NUDT7: variants seen among roughly 807,000 people sequenced by gnomAD.
The protein encoded by NUDT7 is peroxisomal coenzyme A diphosphatase NUDT7.
Under a neutral mutation model 13.1 loss-of-function variants are expected in NUDT7, and 19 were observed. The observed-to-expected ratio is 1.45, with a 90% CI of 1.01 to 2.13. The LOEUF (loss-of-function observed/expected upper bound fraction) is 2.13. Ranked by LOEUF, NUDT7 falls within the 30% of genes most tolerant of loss-of-function variation. NUDT7 has a pLI of 0.00. For synonymous variants in NUDT7, 132 were observed against 109.7 expected, an observed-to-expected ratio of 1.20 and a Z score of -1.27; for missense variants, 360 against 291.7, an observed-to-expected ratio of 1.23 and a Z score of -1.71.
chr16:77,723,265 G>A (rs753557786), intron 1 of NUDT7, among the ~76,000 whole-genome samples: 54 of 152,310 alleles, frequency 3.5e-4, no homozygotes, highest in South Asian at 1.2e-3. Flanking sequence ...TTTTCTGGAG[G>A]CTGGCCTGCG....
At chr16:77,730,367 G>C (rs2145113010) in intron 2 of NUDT7, among the ~76,000 whole-genome samples, 1 of 152,214 alleles carries the variant, frequency 6.6e-6, no homozygotes, top group African/African-American at 2.4e-5. Flanking sequence ...ATATGAATGA[G>C]ATCATGTGGC....
chr16:77,728,181 T>C (rs1197983705), intron 2 of NUDT7, among the ~76,000 whole-genome samples: 1 of 152,086 alleles, frequency 6.6e-6, no homozygotes, highest in African/African-American at 2.4e-5. Context: ...AGGCAAGAAG[T>C]GGGTTAACCC....
At chr16:77,722,744 G>C in intron 1 of NUDT7, 127 bp downstream of exon 1, 1 of 853,050 alleles carries the variant, frequency 1.2e-6, no homozygotes, top group Non-Finnish European at 1.9e-6. Flanking sequence ...GCGAGCGCCG[G>C]ATGGGGGAGC....
chr16:77,735,683 T>A (rs2014457336), intron 2 of NUDT7, 145 bp from the exon 3 acceptor site: 2 of 743,714 alleles, frequency 2.7e-6, no homozygotes, highest in Non-Finnish European at 4.5e-6. Context: ...AGAAAACACA[T>A]TTGTGGGCAA....
intron 2 of NUDT7, among the ~76,000 whole-genome samples, chr16:77,728,242 C>G (rs116260977): frequency 0.016 from 2,487 of 151,848 alleles, 63 homozygotes; most frequent in African/African-American, 0.055. Context: ...ACAAGTTTTT[C>G]TTTTTTTTCA....
chr16:77,725,349 A>C (rs1165658341), intron 1 of NUDT7, 82 bp from the exon 2 acceptor site: 1 of 1,303,658 alleles, frequency 7.7e-7, no homozygotes, highest in Non-Finnish European at 1.1e-6. Context: ...ATACACAACA[A>C]AGCAGAAACA....
At chr16:77,734,497 C>G (rs59766721) in intron 2 of NUDT7, among the ~76,000 whole-genome samples, 7,872 of 152,142 alleles carry the variant, frequency 0.052, 687 homozygotes, top group African/African-American at 0.18. Context: ...CTGGTGGGCA[C>G]CTGTAGTCCC....
At chr16:77,729,508 T>A (rs936609099) in intron 2 of NUDT7, among the ~76,000 whole-genome samples, 1 of 152,090 alleles carries the variant, frequency 6.6e-6, no homozygotes. Context: ...TCATACATAT[T>A]TTCTTCAAAA....
At chr16:77,729,197 G>A (rs746536895) in intron 2 of NUDT7, among the ~76,000 whole-genome samples, 32 of 152,166 alleles carry the variant, frequency 2.1e-4, no homozygotes, top group Middle Eastern at 6.8e-3. Context: ...AAATGTGCCT[G>A]TTTTCTTCAA....
At chr16:77,727,805 C>T (rs147775466) in intron 2 of NUDT7, among the ~76,000 whole-genome samples, 447 of 151,954 alleles carry the variant, frequency 2.9e-3, no homozygotes, top group Non-Finnish European at 4.4e-3. Flanking sequence ...TGCATTGAGC[C>T]GAGATCGTGC....
In NUDT7 at chr16:77,725,477, A is replaced by G; in HGVS notation, c.82A>G (p.Ile28Val). The G allele has an allele frequency of 6.2e-7, 1 of 1,613,870 alleles. No homozygotes were observed. ...DAKARLRKYD[I>V]GGKYSHLPYN... ...TAAGGCCCGCTTAAGAAAGTATGAT[A>G]TTGGAGGCAAATATTCTCACTTGCC... Residue 28 changes from isoleucine to valine, a missense_variant, in exon 2 of 4, where the codon ATT becomes GTT. Ile to Val is a conservative substitution (Grantham distance 29). Coordinates refer to ENST00000268533, the MANE Select transcript of NUDT7 (RefSeq NM_001105663.3).
Position 77,725,432 on chromosome 16 carries a change from A to C in NUDT7, c.37A>C (p.Asn13His), listed in dbSNP as rs200984046. 16 of 1,607,104 alleles carry C rather than the reference A, an allele frequency of 1.0e-5. No individual in the cohort carries two copies. In the East Asian group the frequency reaches 1.8e-4, roughly 18 times the overall value. Residue 13 changes from asparagine to histidine, a missense_variant and splice_region_variant, in exon 2 of 4, where the codon AAC (asparagine) becomes CAC (histidine). By Grantham distance (68) the Asn-to-His change is moderately conservative (BLOSUM62 1). Coordinates refer to ENST00000268533, the MANE Select transcript of NUDT7 (RefSeq NM_001105663.3). The stretch of plus-strand genomic sequence containing the variant: ...CTGTCTGGTTTGTTTTTATTTTAGA[A>C]ACAGTTTGCTAGATGATGCTAAGGC... ...RLGLPEEPVR[N>H]SLLDDAKARL...
chr16:77,741,878 T>C lies in NUDT7; in HGVS notation c.645T>C (p.Asn215=). 1 of 1,614,128 alleles carries C rather than the reference T, an allele frequency of 6.2e-7. No homozygotes were observed. Among genetic ancestry groups the C allele is most frequent in the Admixed American group, 1.7e-5 (1 of 60,014 alleles). Residue 215 remains asparagine, a synonymous_variant, in exon 4 of 4, where the codon AAT becomes AAC. Coordinates refer to ENST00000268533, the MANE Select transcript of NUDT7 (RefSeq NM_001105663.3). ...EKKPTFEVQF[N]LNDVLASSEE... The stretch of plus-strand genomic sequence containing the variant: ...AACCCACCTTTGAGGTTCAATTTAA[T>C]CTTAATGATGTATTAGCATCCTCTG...
chr16:77,727,674 G>T (rs1438013665), intron 2 of NUDT7, among the ~76,000 whole-genome samples: 1 of 152,106 alleles, frequency 6.6e-6, no homozygotes, highest in Non-Finnish European at 1.5e-5. Context: ...GGCCAACATG[G>T]CGAAACCCTG....
At chr16:77,739,707 A>G (rs1209250041) in intron 3 of NUDT7, among the ~76,000 whole-genome samples, 1 of 152,140 alleles carries the variant, frequency 6.6e-6, no homozygotes, top group East Asian at 1.9e-4. Flanking sequence ...CTCTGGTTCA[A>G]ACGCCTCTGA....
intron 2 of NUDT7, among the ~76,000 whole-genome samples, chr16:77,729,539 A>G (rs1324411931): frequency 6.6e-6 from 1 of 152,152 alleles, no homozygotes; most frequent in East Asian, 1.9e-4. Context: ...TCTTTAAAAA[A>G]AAATTTAGGC....
chr16:77,735,630 C>T, intron 2 of NUDT7, 198 bp from the exon 3 acceptor site: 1 of 612,924 alleles, frequency 1.6e-6, no homozygotes. Context: ...TAAAAGTTAG[C>T]AGTGAGAAAA....
rs760122713 is a variant in NUDT7, at chr16:77,741,582, A to G, written c.349A>G (p.Thr117Ala). Residue 117 changes from threonine to alanine, a missense_variant and splice_region_variant, in exon 4 of 4, where the codon ACA becomes GCA. Thr to Ala is a moderately conservative substitution (Grantham distance 58, BLOSUM62 0). Coordinates refer to ENST00000268533, the MANE Select transcript of NUDT7 (RefSeq NM_001105663.3). ...TGTCTGTTTTGTTTTCTGCTTTTAG[A>G]CAGATACATTGATAACTCCATTTGT... Reference protein sequence around the residue: ...VCCLVPCLIDTDTLITPFVGL... With the variant: ...VCCLVPCLIDADTLITPFVGL... The G allele has an allele frequency of 1.3e-6, 2 of 1,597,386 alleles. No individual in the cohort carries two copies. The highest frequency in any genetic ancestry group is 1.7e-6 in the Non-Finnish European group (2 of 1,174,576).
At chr16:77,735,409 GCTC>G (rs2014446167) in intron 2 of NUDT7, 1 of 608,276 alleles carries the variant, frequency 1.6e-6, no homozygotes, top group Non-Finnish European at 3.0e-6. Flanking sequence ...TGAAGTGCTT[GCTC>G]CTCCTTTACC....
Sources: allele counts gnomAD v4.1 joint callset (sites outside exome capture counted in the v4.1 genomes callset), GRCh38; gene constraint gnomAD v4.1.1; transcripts MANE v1.5; gene names NCBI Gene and HGNC (gene_info 2026-07-23, HGNC 2026-07-21).